The following EMD variants were observed in gnomAD, a reference collection of about 807,000 sequenced individuals.
EMD encodes the protein LEM domain containing 5.
Under a neutral mutation model 15.2 loss-of-function variants are expected in EMD, and 2 were observed. That is an observed-to-expected ratio of 0.13 (90% confidence interval 0.05 to 0.41). EMD has a LOEUF of 0.41. Among genes scored for constraint, EMD ranks in the 10% least tolerant of loss-of-function variants. The pLI is 0.99. For synonymous variants in EMD, 122 were observed against 86.2 expected (o/e 1.42, Z -2.30); for missense variants, 224 against 213.4 (o/e 1.05, Z -0.31).
At chrX:154,380,592 T>C in intron 4 of EMD, 161 bp from the exon 5 acceptor site, 1 of 858,660 alleles carries the variant, frequency 1.2e-6, no homozygotes, top group Admixed American at 2.7e-5. Context: ...CAAGGCCCCA[T>C]GGATAAAGGG....
At chrX:154,380,623 A>G in intron 4 of EMD, 130 bp from the exon 5 acceptor site, 1 of 962,875 alleles carries the variant, frequency 1.0e-6, no homozygotes, top group Non-Finnish European at 1.5e-6. Flanking sequence ...AGAGCCATTC[A>G]GGAGGGTGTG....
chrX:154,381,078 G>A lies in EMD; in HGVS notation c.646G>A (p.Gly216Arg), dbSNP rs147920229. The A allele has an allele frequency of 6.4e-5, 78 of 1,210,833 alleles. 1 individual carries two copies. In the African/African-American group the frequency reaches 1.2e-3, roughly 18 times the overall value. The change falls in exon 6 of 6, where the codon GGG becomes AGG. Residue 216 changes from glycine to arginine, a missense_variant. Physicochemically the swap from Gly to Arg is moderately radical, Grantham distance 125 (BLOSUM62 -2). Transcript: ENST00000369842. ...IRPENRAPGA[G>R]LGQDRQVPLW... is the part of the protein sequence containing the mutation. ...GCCTGAAAACCGTGCTCCTGGGGCT[G>A]GGCTGGGCCAGGATCGCCAGGTCCC...
rs370035583 is a variant in EMD, at chrX:154,379,605, C to G, written c.82+39C>G. The G allele has an allele frequency of 4.1e-5, 48 of 1,182,418 alleles. 1 individual carries two copies. In the South Asian group the frequency reaches 6.0e-4, roughly 15 times the overall value. On this transcript the variant is annotated intron_variant, in intron 1 of 5. Coordinates refer to ENST00000369842, the MANE Select transcript of EMD (RefSeq NM_000117.3). Reference sequence around the variant, plus strand: ...GGCGGGACCCCTTCCGGGCCCCCTCCTCGTGCTCCGCCTCGCGACCTCCCC... The same window carrying G: ...GGCGGGACCCCTTCCGGGCCCCCTCGTCGTGCTCCGCCTCGCGACCTCCCC...
At chrX:154,379,648 C>A in intron 1 of EMD, 42 bp from the exon 2 acceptor site, 1 of 1,201,672 alleles carries the variant, frequency 8.3e-7, no homozygotes, top group Non-Finnish European at 1.1e-6. Context: ...TCCCCGCGCG[C>A]CTTCCCCGGC....
At position 154,380,270 on chromosome X, in the gene EMD, C is replaced by T; in HGVS notation, c.302C>T (p.Thr101Ile). Residue 101 changes from threonine to isoleucine, a missense_variant, in exon 4 of 6, where the codon ACC becomes ATC. By Grantham distance (89) the Thr-to-Ile change is moderately conservative. Transcript: ENST00000369842. ...NDDYYEESYF[T>I]TRTYGEPESA... ...GACTACTATGAAGAGAGCTACTTCA[C>T]CACCAGGACTTATGGGGAGCCCGAG... 3.3e-6 allele frequency: 4 copies of T among 1,211,536 alleles called. No individual in the cohort carries two copies. Among genetic ancestry groups the T allele is most frequent in the Non-Finnish European group, 4.5e-6 (4 of 895,581 alleles).
intron 4 of EMD, 21 bp downstream of exon 4, chrX:154,380,388 C>A: frequency 8.3e-7 from 1 of 1,211,223 alleles, no homozygotes; most frequent in South Asian, 1.8e-5. Flanking sequence ...TGGCAGGCGT[C>A]CTGTACTTGG....
intron 1 of EMD, 21 bp downstream of exon 1, chrX:154,379,587 C>A: frequency 8.5e-7 from 1 of 1,172,650 alleles, no homozygotes; most frequent in East Asian, 3.2e-5. Context: ...GCGGGCGGGA[C>A]CCCTTCCGGG....
chrX:154,379,644 C>A, intron 1 of EMD, 46 bp from the exon 2 acceptor site: 4 of 1,201,267 alleles, frequency 3.3e-6, no homozygotes, highest in Non-Finnish European at 4.5e-6. Context: ...GCCCTCCCCG[C>A]GCGCCTTCCC....
At position 154,381,007 on chromosome X, in the gene EMD, C is replaced by A; in HGVS notation, c.575C>A (p.Ser192Tyr). 2 of 1,211,906 alleles carry A rather than the reference C, an allele frequency of 1.7e-6. No homozygotes were observed. The highest frequency in any genetic ancestry group is 2.2e-6 in the Non-Finnish European group (2 of 895,552). Residue 192 changes from serine (S) to tyrosine (Y), a missense_variant, in exon 6 of 6, where the codon TCC (serine) becomes TAC (tyrosine). By Grantham distance (144) the Ser-to-Tyr change is moderately radical. Coordinates refer to ENST00000369842, the MANE Select transcript of EMD (RefSeq NM_000117.3). Reference sequence around the variant, plus strand: ...ACTTCCTCCTCCACCTCTTTTATGTCCTCCTCATCATCTTCCTCTTCATGG... The same window carrying A: ...ACTTCCTCCTCCACCTCTTTTATGTACTCCTCATCATCTTCCTCTTCATGG... ...YPTSSSTSFM[S>Y]SSSSSSSWLT...
chrX:154,379,434 T>G lies in EMD; in HGVS notation c.-51T>G. 1 of 1,144,683 alleles carries G rather than the reference T, an allele frequency of 8.7e-7. No homozygotes were observed. The highest frequency in any genetic ancestry group is 1.2e-6 in the Non-Finnish European group (1 of 855,948). 94.3% of individuals were successfully genotyped at this position (1,144,683 alleles called of 1,213,427 possible). On this transcript the variant is annotated 5_prime_UTR_variant, in exon 1 of 6. Transcript: ENST00000369842. ...TCCTCGGCAGCCGTTGCTCGGCCGG[T>G]TTTGGTAGGCCCGGGCCGCCGCCAG...
chrX:154,380,549 C>A, intron 4 of EMD, 182 bp downstream of exon 4: 1 of 871,067 alleles, frequency 1.1e-6, no homozygotes, highest in Admixed American at 2.7e-5. Context: ...GTCCTGGGGG[C>A]AAAAGGGGAT....
Position 154,379,374 on chromosome X carries a change from C to A in EMD, c.-111C>A. On this transcript the variant is annotated 5_prime_UTR_variant, in exon 1 of 6. Coordinates refer to ENST00000369842, the MANE Select transcript of EMD (RefSeq NM_000117.3). ...CGATTCGGCTGTGACGCGAGCGCGG[C>A]CGCTCCCGATGCGCTCGTGCCGCCC... is the stretch of plus-strand genomic sequence containing the variant. 1.2e-6 allele frequency: 1 copy of A among 812,131 alleles called. No homozygotes were observed. The allele number at this position is 812,131 out of a possible 1,213,427, so 66.9% of individuals were successfully genotyped here.
chrX:154,379,477 C>T lies in EMD; in HGVS notation c.-8C>T. ...GCCGCCAGGCCTCCGCCTGAGCCCG[C>T]ACCCGCCATGGACAACTACGCAGAT... On this transcript the variant is annotated 5_prime_UTR_variant, in exon 1 of 6. Transcript: ENST00000369842. The T allele has an allele frequency of 8.6e-7, 1 of 1,165,631 alleles. No homozygotes were observed. Among genetic ancestry groups the T allele is most frequent in the Non-Finnish European group, 1.1e-6 (1 of 872,033 alleles).
intron 2 of EMD, 50 bp downstream of exon 2, chrX:154,379,844 C>A (rs1557182336): frequency 3.4e-6 from 4 of 1,177,689 alleles, no homozygotes; most frequent in South Asian, 3.6e-5. Context: ...AGGATGGGGT[C>A]GCGAGGGTGT....
Position 154,380,025 on chromosome X carries a change from G to A in EMD, c.265+6G>A, listed in dbSNP as rs782323554. On this transcript the variant is annotated splice_donor_region_variant and intron_variant, in intron 3 of 5. Coordinates refer to ENST00000369842, the MANE Select transcript of EMD (RefSeq NM_000117.3). Reference sequence around the variant, plus strand: ...TTTACTCTACCAGAGCAAGGGTAAGGCAGGGGTTGGGTGGGCACGCTGGCA... The same window carrying A: ...TTTACTCTACCAGAGCAAGGGTAAGACAGGGGTTGGGTGGGCACGCTGGCA... The A allele has an allele frequency of 2.5e-6, 3 of 1,210,809 alleles. No individual in the cohort carries two copies. The highest frequency in any genetic ancestry group is 1.1e-6 in the Non-Finnish European group (1 of 894,518).
Position 154,379,751 on chromosome X carries a change from C to G in EMD, c.144C>G (p.Leu48=), listed in dbSNP as rs200537612. ...AGTACGAGACCCAGAGGCGGCGGCT[C>G]TCGCCCCCCAGCTCGTCCGCCGCCT... ...IFEYETQRRR[L]SPPSSSAASS... is the part of the protein sequence containing the mutation. The change falls in exon 2 of 6, where the codon CTC becomes CTG. Residue 48 remains leucine (L), a synonymous_variant. Transcript: ENST00000369842. 1.7e-6 allele frequency: 2 copies of G among 1,207,866 alleles called. No homozygotes were observed. The highest frequency in any genetic ancestry group is 2.2e-6 in the Non-Finnish European group (2 of 894,302).
intron 4 of EMD, 90 bp from the exon 5 acceptor site, chrX:154,380,663 G>A (rs1202493624): frequency 3.5e-6 from 4 of 1,147,558 alleles, no homozygotes; most frequent in African/African-American, 3.6e-5. Flanking sequence ...AAGGTCAGAG[G>A]GGACTGGCTG....
At chrX:154,379,903 TG>T (rs782215610) in intron 2 of EMD, 38 bp from the exon 3 acceptor site, 2 of 1,196,350 alleles carry the variant, frequency 1.7e-6, no homozygotes, top group Middle Eastern at 2.4e-4. Context: ...GAGGGAAGTC[TG>T]GGGGGGCAAA....
At position 154,380,971 on chromosome X, in the gene EMD, C is replaced by A. The variant is rs1557182632; in HGVS notation, c.539C>A (p.Ser180Tyr). ...GCCTCCAGGAGCTCCCTGGACCTGT[C>A]CTATTATCCTACTTCCTCCTCCACC... The part of the protein sequence containing the change: ...VSASRSSLDL[S>Y]YYPTSSSTSF... Residue 180 changes from serine (S) to tyrosine (Y), a missense_variant, in exon 6 of 6, where the codon TCC becomes TAC. Ser to Tyr is a moderately radical substitution (Grantham distance 144). Coordinates refer to ENST00000369842, the MANE Select transcript of EMD (RefSeq NM_000117.3). 2.5e-6 allele frequency: 3 copies of A among 1,211,385 alleles called. No individual in the cohort carries two copies. Among genetic ancestry groups the A allele is most frequent in the Non-Finnish European group, 3.4e-6 (3 of 895,458 alleles).
Sources: allele counts gnomAD v4.1 joint callset, GRCh38; gene constraint gnomAD v4.1.1; transcripts MANE v1.5; gene names NCBI Gene and HGNC (gene_info 2026-07-23, HGNC 2026-07-21).